Variants in ADGRE2 observed in about 807,000 individuals in gnomAD.
ADGRE2 encodes adhesion G protein-coupled receptor E2.
ADGRE2 carries 83 observed loss-of-function variants against 100.8 expected under a neutral mutation model. That is an observed-to-expected ratio of 0.82 (90% confidence interval 0.69 to 0.99). The LOEUF is 0.99. ADGRE2 is among the 50% of genes least tolerant of loss of function. The pLI is 0.00. For missense variants in ADGRE2, 814 were observed against 1,035.7 expected (o/e 0.79, Z 2.94); for synonymous variants, 355 against 413.0 (o/e 0.86, Z 1.70).
chr19:14,768,551 T>A (rs919394593), intron 5 of ADGRE2, among the ~76,000 whole-genome samples: 4 of 152,200 alleles, frequency 2.6e-5, no homozygotes, highest in African/African-American at 4.8e-5. Context: ...TCCACTCCCA[T>A]GGGATCTGGG....
chr19:14,765,367 C>T lies in ADGRE2; in HGVS notation c.859G>A (p.Asp287Asn). 2 of 1,614,160 alleles carry T rather than the reference C, an allele frequency of 1.2e-6. No individual in the cohort carries two copies. The highest frequency in any genetic ancestry group is 2.2e-5 in the South Asian group (2 of 91,088). The change falls in exon 10 of 21, where the codon GAC (aspartate) becomes AAC (asparagine). Residue 287 changes from aspartate to asparagine, a missense_variant. Physicochemically the swap from Asp to Asn is conservative, Grantham distance 23. Around this residue, in one of 5 missense-constraint regions of ADGRE2, gnomAD observed 569 missense variants for 692.7 expected, o/e 0.82. Transcript: ENST00000315576. ...TLSRFFDKVQDLGRDYKPGLA... is the reference protein window; with the variant it reads ...TLSRFFDKVQNLGRDYKPGLA... ...CCTGGCTTGTAGTCTCTGCCCAGGT[C>T]CTGGACTTTGTCGAAGAATCGGGAA...
intron 5 of ADGRE2, chr19:14,772,035 T>C (rs909667003): frequency 2.2e-5 from 9 of 417,288 alleles, no homozygotes; most frequent in African/African-American, 4.0e-5. Context: ...GCCATTATTA[T>C]CATCCTCATT....
chr19:14,764,236 A>AT lies in ADGRE2; in HGVS notation c.1084+196dup, dbSNP rs61472082. On this transcript the variant is annotated intron_variant, in intron 11 of 20. Transcript: ENST00000315576. Reference sequence around the variant, plus strand: ...CCATCACATCTGTCTAATTTAAAAGATTTTTTTTTTTTTGTAGAGATTGAG... The same window carrying AT: ...CCATCACATCTGTCTAATTTAAAAGATTTTTTTTTTTTTTGTAGAGATTGAG... Among the ~76,000 whole-genome samples the AT allele has an allele frequency of 5.7e-4, 86 of 151,206 alleles. No homozygotes were observed. In the South Asian group the frequency reaches 7.7e-3, roughly 14 times the overall value.
intron 2 of ADGRE2, 97 bp from the exon 3 acceptor site, chr19:14,774,403 C>G: frequency 1.3e-6 from 2 of 1,505,634 alleles, no homozygotes; most frequent in South Asian, 2.5e-5. Flanking sequence ...GCTGACCCCT[C>G]TCAGGCTCAG....
chr19:14,730,911 T>C (rs1344551665), downstream of ADGRE2, among the ~76,000 whole-genome samples: 1 of 151,914 alleles, frequency 6.6e-6, no homozygotes, highest in African/African-American at 2.4e-5. Context: ...CATGCGGTAT[T>C]TGGTTTTCTA....
At chr19:14,761,743 C>G (rs1034103301) in intron 11 of ADGRE2, among the ~76,000 whole-genome samples, 14 of 152,016 alleles carry the variant, frequency 9.2e-5, no homozygotes, top group Non-Finnish European at 1.5e-5. Flanking sequence ...CAGTAAGGAG[C>G]TGGCGAAGAC....
rs146238332 is a variant in ADGRE2, at chr19:14,761,129, C to T, written c.1084+3304G>A. Among the ~76,000 whole-genome samples the T allele has an allele frequency of 3.5e-4, 53 of 152,288 alleles. 1 individual carries two copies. The East Asian group carries it at 9.4e-3, about 27-fold the overall frequency. ...TATAAAACCAAGTTGCGGGGGCAGG[C>T]GTGGTGTCTCACGCCTGTAATCCCA... On this transcript the variant is annotated intron_variant, in intron 11 of 20. Coordinates refer to ENST00000315576, the MANE Select transcript of ADGRE2 (RefSeq NM_013447.4).
At position 14,743,549 on chromosome 19, in the gene ADGRE2, T is replaced by G; in HGVS notation, c.2353-19A>C. 1 of 1,613,198 alleles carries G rather than the reference T, an allele frequency of 6.2e-7. No homozygotes were observed. The highest frequency in any genetic ancestry group is 8.5e-7 in the Non-Finnish European group (1 of 1,179,130). On this transcript the variant is annotated intron_variant, in intron 19 of 20. Coordinates refer to ENST00000315576, the MANE Select transcript of ADGRE2 (RefSeq NM_013447.4). ...CCCGGACCTGCAGAGGCAAAGTGTGTACTGGGTCAGCTCACAGAGAGCAGT... is the reference window on the plus strand; with the variant it reads ...CCCGGACCTGCAGAGGCAAAGTGTGGACTGGGTCAGCTCACAGAGAGCAGT...
At chr19:14,767,534 T>C (rs1398123514) in intron 5 of ADGRE2, among the ~76,000 whole-genome samples, 2 of 152,156 alleles carry the variant, frequency 1.3e-5, no homozygotes, top group Non-Finnish European at 2.9e-5. Context: ...CCACCATGCC[T>C]GGCCATCTCC....
rs778136697 is a variant in ADGRE2, at chr19:14,743,692, A to G, written c.2276T>C (p.Met759Thr). Residue 759 changes from methionine to threonine, a missense_variant, in exon 19 of 21, where the codon ATG becomes ACG. Coordinates refer to ENST00000315576, the MANE Select transcript of ADGRE2 (RefSeq NM_013447.4). The part of the protein sequence containing the change: ...ILQVGPAARV[M>T]AYLFTIINSL... The stretch of plus-strand genomic sequence containing the variant: ...GTTGATGATGGTGAAGAGGTAGGCC[A>G]TGACCCGGGCAGCCGGACCCACCTG... 13 of 1,614,184 alleles carry G rather than the reference A, an allele frequency of 8.1e-6. No individual in the cohort carries two copies. The highest frequency in any genetic ancestry group is 7.6e-6 in the Non-Finnish European group (9 of 1,180,016).
intron 4 of ADGRE2, among the ~76,000 whole-genome samples, chr19:14,773,308 TCCTCCCTC>T (rs59965494): frequency 6.9e-6 from 1 of 145,592 alleles, no homozygotes; most frequent in African/African-American, 2.6e-5. Flanking sequence ...CTTCCTTCTT[TCCTCCCTC>T]CCTCCCTCCC....
downstream of ADGRE2, among the ~76,000 whole-genome samples, chr19:14,729,753 G>A (rs964876961): frequency 1.3e-5 from 2 of 152,176 alleles, no homozygotes; most frequent in Non-Finnish European, 2.9e-5. Flanking sequence ...AAAATGCTAA[G>A]AGAGTGGATG....
At chr19:14,743,580 C>T (rs774325781) in intron 19 of ADGRE2, 36 bp downstream of exon 19, 1 of 1,613,936 alleles carries the variant, frequency 6.2e-7, no homozygotes, top group African/African-American at 1.3e-5. Context: ...GCAGTGAGGA[C>T]AGGAAGAGTC....
chr19:14,776,715 A>T lies in ADGRE2; in HGVS notation c.31+11T>A. On this transcript the variant is annotated intron_variant, in intron 2 of 20. Coordinates refer to ENST00000315576, the MANE Select transcript of ADGRE2 (RefSeq NM_013447.4). The stretch of plus-strand genomic sequence containing the variant: ...TCGCTACCACCCCCAGCGGGGCCCC[A>T]AAGTACTTACCGAGAAAGACGAGAA... The T allele has an allele frequency of 6.2e-7, 1 of 1,612,432 alleles. No individual in the cohort carries two copies. The highest frequency in any genetic ancestry group is 8.5e-7 in the Non-Finnish European group (1 of 1,179,264).
At chr19:14,751,291 A>G (rs2043275114) in intron 16 of ADGRE2, 145 bp downstream of exon 16, 1 of 629,824 alleles carries the variant, frequency 1.6e-6, no homozygotes, top group Non-Finnish European at 2.8e-6. Flanking sequence ...AGCTAAGAAT[A>G]AGGAGCTGCA....
intron 5 of ADGRE2, 33 bp from the exon 6 acceptor site, chr19:14,767,142 G>T: frequency 6.2e-7 from 1 of 1,602,890 alleles, no homozygotes; most frequent in East Asian, 2.2e-5. Context: ...AAGAATGCCC[G>T]TAGCTGTGAG....
At chr19:14,772,235 G>T in intron 5 of ADGRE2, 107 bp downstream of exon 5, 1 of 1,485,458 alleles carries the variant, frequency 6.7e-7, no homozygotes, top group Non-Finnish European at 9.3e-7. Context: ...CAGACTCCAG[G>T]AACTGAACCT....
At chr19:14,765,237 C>T (rs2147411227) in intron 10 of ADGRE2, 83 bp downstream of exon 10, 4 of 1,491,110 alleles carry the variant, frequency 2.7e-6, no homozygotes, top group East Asian at 2.3e-5. Flanking sequence ...GTCCTGTCCC[C>T]TCCCAGACCC....
intron 11 of ADGRE2, among the ~76,000 whole-genome samples, chr19:14,759,654 G>A (rs1441629800): frequency 6.6e-6 from 1 of 151,110 alleles, no homozygotes; most frequent in Non-Finnish European, 1.5e-5. Context: ...GTGTCACTAA[G>A]CCCAGCTAAT....
Sources: gnomAD v4.1 joint callset for allele counts (sites outside exome capture counted in the v4.1 genomes callset) on GRCh38, gnomAD v4.1.1 for gene constraint, gnomAD v4.1.1 regional missense constraint, MANE v1.5 for transcripts, NCBI Gene and HGNC (gene_info 2026-07-23, HGNC 2026-07-21) for gene names.